Variants in TRAPPC9 observed in about 807,000 individuals in gnomAD.
TRAPPC9 encodes the protein trafficking protein particle complex subunit 9, also known as IKK2 binding protein.
TRAPPC9 carries 83 observed loss-of-function variants against 124.0 expected under a neutral mutation model. The ratio of observed to expected loss-of-function variants is 0.67; its 90% confidence interval spans 0.56 to 0.80. The LOEUF (loss-of-function observed/expected upper bound fraction) is 0.80, where lower values mean the gene tolerates loss of function less well. TRAPPC9 is among the 30% of genes least tolerant of loss of function. TRAPPC9 has a pLI of 0.00. For synonymous variants in TRAPPC9, 638 were observed against 617.5 expected, an observed-to-expected ratio of 1.03 and a Z score of -0.49; for missense variants, 1,302 against 1,508.3, an observed-to-expected ratio of 0.86 and a Z score of 2.27.
intron 19 of TRAPPC9, among the ~76,000 whole-genome samples, chr8:139,923,610 C>G (rs896570398): frequency 3.3e-5 from 5 of 151,932 alleles, no homozygotes; most frequent in Non-Finnish European, 5.9e-5. Context: ...AGTGGCTTCC[C>G]TGACGAAGCA....
At chr8:140,288,142 G>T (rs1178456881) in intron 12 of TRAPPC9, among the ~76,000 whole-genome samples, 1 of 152,170 alleles carries the variant, frequency 6.6e-6, no homozygotes, top group African/African-American at 2.4e-5. Context: ...AGGAGACCAA[G>T]ACCAACCTGG....
At chr8:140,246,621 G>A (rs545652580) in intron 16 of TRAPPC9, among the ~76,000 whole-genome samples, 1 of 152,274 alleles carries the variant, frequency 6.6e-6, no homozygotes, top group Non-Finnish European at 1.5e-5. Context: ...ACCCTACACT[G>A]ATACCTAGTT....
At chr8:140,219,597 C>T (rs1030111936) in intron 17 of TRAPPC9, among the ~76,000 whole-genome samples, 2 of 152,178 alleles carry the variant, frequency 1.3e-5, no homozygotes, top group African/African-American at 4.8e-5. Context: ...CCTTATAACC[C>T]GCAGCCCAGA....
At chr8:140,404,961 AG>A (rs1458291062) in intron 6 of TRAPPC9, among the ~76,000 whole-genome samples, 1 of 137,746 alleles carries the variant, frequency 7.3e-6, no homozygotes, top group Non-Finnish European at 1.7e-5. Flanking sequence ...ATAGGCATAA[AG>A]GTCATGGAGG....
chr8:140,026,781 C>T (rs1158867915), intron 17 of TRAPPC9, among the ~76,000 whole-genome samples: 3 of 152,220 alleles, frequency 2.0e-5, no homozygotes, highest in Admixed American at 6.5e-5. Context: ...AATACCTTCA[C>T]TGATTCTCTC....
intron 19 of TRAPPC9, 117 bp downstream of exon 19, chr8:139,988,609 G>T: frequency 1.4e-6 from 1 of 724,370 alleles, no homozygotes; most frequent in Non-Finnish European, 2.4e-6. Context: ...TCTCTGAAAG[G>T]GAGACAAACT....
chr8:140,120,219 T>G (rs1022948845), intron 17 of TRAPPC9, among the ~76,000 whole-genome samples: 1 of 152,162 alleles, frequency 6.6e-6, no homozygotes, highest in Non-Finnish European at 1.5e-5. Flanking sequence ...AAGGCAGCTT[T>G]GAACTCCAAC....
chr8:140,353,768 G>T lies in TRAPPC9; in HGVS notation c.1495+6282C>A, dbSNP rs1186437139. Among the ~76,000 whole-genome samples the T allele has an allele frequency of 6.6e-6, 1 of 152,206 alleles. No homozygotes were observed. Among genetic ancestry groups the T allele is most frequent in the Non-Finnish European group, 1.5e-5 (1 of 68,044 alleles). ...ATATCCATTTGGTAGCATAGTAGAA[G>T]GTGGGTTTAAAGAGACAGAAGACAT... On this transcript the variant is annotated intron_variant, in intron 9 of 22. Transcript: ENST00000438773. This position sits in a 1 kb window ranked among gnomAD's most constrained non-coding sequence, Gnocchi z 4.2.
intron 21 of TRAPPC9, among the ~76,000 whole-genome samples, chr8:139,769,977 G>A (rs1252154320): frequency 6.6e-6 from 1 of 152,244 alleles, no homozygotes; most frequent in Non-Finnish European, 1.5e-5. Flanking sequence ...GGAAGGCAGG[G>A]AACTGGGGGC....
chr8:140,152,235 TAAAAA>T lies in TRAPPC9; in HGVS notation c.2556+69219_2556+69223del, dbSNP rs71320343. Among the ~76,000 whole-genome samples, 474 of 106,700 alleles carry T rather than the reference TAAAAA, an allele frequency of 4.4e-3. 4 individuals carry two copies. Among genetic ancestry groups the T allele is most frequent in the African/African-American group, 0.016 (454 of 27,534 alleles). 70.0% of individuals were successfully genotyped at this position (106,700 alleles called of 152,430 possible). A position where few individuals can be genotyped will look rare whatever the true frequency, so the allele number is the denominator to read the frequency against. ...GCCATTCTCCCAGGAACTTAAGCTT[TAAAAA>T]AAAAAAAAAAAAAAAAAAGTGACTC... On this transcript the variant is annotated intron_variant, in intron 17 of 22. Transcript: ENST00000438773.
chr8:140,171,493 T>C (rs1039862620), intron 17 of TRAPPC9, among the ~76,000 whole-genome samples: 3 of 152,178 alleles, frequency 2.0e-5, no homozygotes, highest in South Asian at 2.1e-4. Context: ...CTCTAAGTCA[T>C]TGAGGGTCTT....
chr8:139,919,125 C>T (rs888740860), intron 19 of TRAPPC9, among the ~76,000 whole-genome samples: 9 of 152,200 alleles, frequency 5.9e-5, no homozygotes, highest in Non-Finnish European at 1.2e-4. Context: ...GCTAGTGTCC[C>T]GGCTGCAGGG....
intron 9 of TRAPPC9, among the ~76,000 whole-genome samples, chr8:140,318,240 AT>A (rs1456083297): frequency 6.6e-6 from 1 of 152,176 alleles, no homozygotes; most frequent in Non-Finnish European, 1.5e-5. Context: ...CATAGCAATA[AT>A]TTTTATTATA....
chr8:139,862,300 A>G (rs1828220775), intron 21 of TRAPPC9, among the ~76,000 whole-genome samples: 1 of 152,092 alleles, frequency 6.6e-6, no homozygotes, highest in African/African-American at 2.4e-5. Context: ...ATCAATGGGG[A>G]CTTGTGAGCT....
At chr8:139,812,352 A>T (rs777575508) in intron 21 of TRAPPC9, among the ~76,000 whole-genome samples, 9 of 152,246 alleles carry the variant, frequency 5.9e-5, no homozygotes, top group Non-Finnish European at 1.3e-4. Flanking sequence ...AAGAACTGTG[A>T]TAGAACTGTA....
chr8:140,018,482 C>A (rs1839627701), intron 18 of TRAPPC9, among the ~76,000 whole-genome samples: 3 of 151,958 alleles, frequency 2.0e-5, no homozygotes, highest in East Asian at 1.9e-4. Flanking sequence ...CACCACCACG[C>A]CCGGCTAATT....
At position 140,311,320 on chromosome 8, in the gene TRAPPC9, G is replaced by C. The variant is rs1331905701; in HGVS notation, c.1550C>G (p.Thr517Ser). The change falls in exon 10 of 23, where the codon ACC becomes AGC. Residue 517 changes from threonine to serine, a missense_variant. Physicochemically the swap from Thr to Ser is moderately conservative, Grantham distance 58 (BLOSUM62 1). Around this residue, in one of 3 missense-constraint regions of TRAPPC9, gnomAD observed 657 missense variants for 811.2 expected, o/e 0.81. Coordinates refer to ENST00000438773, the MANE Select transcript of TRAPPC9 (RefSeq NM_001160372.4). ...GCCAGGGAGGGCGATGGGCTCCATG[G>C]TCCCAGGACACTTGGACGTATAGTT... ...LENYTSKCPG[T>S]MEPIALPGGL... 4 of 1,613,866 alleles carry C rather than the reference G, an allele frequency of 2.5e-6. No homozygotes were observed. In the African/African-American group the frequency reaches 5.3e-5, roughly 22 times the overall value.
intron 8 of TRAPPC9, among the ~76,000 whole-genome samples, chr8:140,361,179 A>G (rs1240893169): frequency 7.2e-5 from 11 of 152,274 alleles, no homozygotes; most frequent in South Asian, 2.1e-4. Flanking sequence ...ACTGCCACGC[A>G]CTGAAAGTCC....
chr8:140,355,919 T>G (rs1588207021), intron 9 of TRAPPC9, among the ~76,000 whole-genome samples: 1 of 152,198 alleles, frequency 6.6e-6, no homozygotes, highest in Non-Finnish European at 1.5e-5. Flanking sequence ...TTTTGAAAGA[T>G]CACATGAGGA....
Sources: gnomAD v4.1 joint callset for allele counts (sites outside exome capture counted in the v4.1 genomes callset) on GRCh38, gnomAD v4.1.1 for gene constraint, gnomAD v4.1.1 regional missense constraint, Gnocchi (gnomAD v3.1) non-coding constraint, MANE v1.5 for transcripts, NCBI Gene and HGNC (gene_info 2026-07-23, HGNC 2026-07-21) for gene names.